The following IDO2 variants were observed in gnomAD, a reference collection of about 807,000 sequenced individuals.
The protein encoded by IDO2 is indoleamine 2,3-dioxygenase-like 1 protein.
Under a neutral mutation model 45.1 loss-of-function variants are expected in IDO2, and 46 were observed. The observed-to-expected ratio is 1.02, with a 90% CI of 0.80 to 1.30. IDO2 has a LOEUF of 1.30. Ranked by LOEUF, IDO2 falls within the 50% of genes most tolerant of loss-of-function variation. The probability of loss-of-function intolerance (pLI) is 0.00; values close to 1 mark genes in which losing one functional copy is unlikely to be tolerated. For synonymous variants in IDO2, 218 were observed against 184.9 expected (o/e 1.18, Z -1.45); for missense variants, 544 against 491.8 (o/e 1.11, Z -1.00).
chr8:39,993,771 A>G (rs1801985070), intron 8 of IDO2, among the ~76,000 whole-genome samples: 1 of 152,162 alleles, frequency 6.6e-6, no homozygotes, highest in East Asian at 1.9e-4. Context: ...GCACACTGAG[A>G]GGAAGAGGCG....
chr8:39,984,646 C>G (rs906210778), intron 5 of IDO2, among the ~76,000 whole-genome samples: 1 of 152,064 alleles, frequency 6.6e-6, no homozygotes, highest in Non-Finnish European at 1.5e-5. Flanking sequence ...TAACACAGAG[C>G]TAAGTGCTAT....
At chr8:39,971,762 G>T (rs1431771166) in intron 3 of IDO2, among the ~76,000 whole-genome samples, 1 of 152,114 alleles carries the variant, frequency 6.6e-6, no homozygotes, top group Non-Finnish European at 1.5e-5. Context: ...ATTAGAAGTG[G>T]AATCTGATTT....
At chr8:39,981,449 A>G (rs1308524137) in intron 4 of IDO2, among the ~76,000 whole-genome samples, 1 of 152,038 alleles carries the variant, frequency 6.6e-6, no homozygotes, top group Non-Finnish European at 1.5e-5. Context: ...TCTGCAAACC[A>G]TTATCCTAAA....
At chr8:39,983,189 G>A (rs1808378582) in intron 5 of IDO2, among the ~76,000 whole-genome samples, 1 of 152,196 alleles carries the variant, frequency 6.6e-6, no homozygotes, top group South Asian at 2.1e-4. Context: ...CTCCAGGTGG[G>A]TTGGATTGAG....
At chr8:39,984,896 A>G in intron 5 of IDO2, 1 of 437,122 alleles carries the variant, frequency 2.3e-6, no homozygotes, top group South Asian at 1.6e-5. Flanking sequence ...GTTGTGGTAA[A>G]TACAAAAATG....
chr8:39,945,165 G>A (rs1217328245), intron 1 of IDO2, among the ~76,000 whole-genome samples: 1 of 152,258 alleles, frequency 6.6e-6, no homozygotes, highest in Admixed American at 6.5e-5. Flanking sequence ...GCTACAGTCT[G>A]GGAAGCATTG....
intron 8 of IDO2, among the ~76,000 whole-genome samples, chr8:39,992,141 C>A (rs1020301773): frequency 2.6e-5 from 4 of 152,230 alleles, no homozygotes; most frequent in East Asian, 1.9e-4. Flanking sequence ...GCATTCCTTT[C>A]GACCAGGGGT....
chr8:39,986,705 GATA>G (rs1808429365), intron 6 of IDO2, among the ~76,000 whole-genome samples: 1 of 150,758 alleles, frequency 6.6e-6, no homozygotes, highest in African/African-American at 2.5e-5. Flanking sequence ...TAGATAGATA[GATA>G]GATAGATAGA....
chr8:39,993,137 C>A (rs1382384915), intron 8 of IDO2, among the ~76,000 whole-genome samples: 1 of 152,142 alleles, frequency 6.6e-6, no homozygotes. Flanking sequence ...GAGCTGCTTT[C>A]CAGCGACTCA....
chr8:39,991,921 T>C (rs2729477), intron 8 of IDO2, among the ~76,000 whole-genome samples: 94,094 of 152,116 alleles, frequency 0.62, 29,216 homozygotes, highest in Middle Eastern at 0.7. Flanking sequence ...CCTGCTCAGC[T>C]TCTGCAGGAG....
chr8:39,937,942 T>G (rs1012058259), intron 1 of IDO2, among the ~76,000 whole-genome samples: 61 of 152,334 alleles, frequency 4.0e-4, no homozygotes, highest in African/African-American at 1.4e-3. Flanking sequence ...GCAAACAATC[T>G]TATTGCATTT....
chr8:39,982,216 ATC>A (rs1184797533), intron 4 of IDO2, among the ~76,000 whole-genome samples: 2 of 124,660 alleles, frequency 1.6e-5, no homozygotes, highest in East Asian at 2.3e-4. Context: ...TGTATCTATC[ATC>A]TCTCTCTATA....
intron 1 of IDO2, among the ~76,000 whole-genome samples, chr8:39,943,113 A>G (rs1383573580): frequency 6.6e-6 from 1 of 152,168 alleles, no homozygotes; most frequent in Non-Finnish European, 1.5e-5. Flanking sequence ...CACGCCTGTA[A>G]TCCCAGCAGT....
intron 9 of IDO2, among the ~76,000 whole-genome samples, chr8:40,009,464 T>C (rs1802278495): frequency 6.6e-6 from 1 of 152,142 alleles, no homozygotes; most frequent in African/African-American, 2.4e-5. Flanking sequence ...ATCTCATTTT[T>C]TTTTCCCCAC....
At chr8:39,942,847 G>A (rs1222767310) in intron 1 of IDO2, among the ~76,000 whole-genome samples, 1 of 152,040 alleles carries the variant, frequency 6.6e-6, no homozygotes, top group Non-Finnish European at 1.5e-5. Context: ...TTCTATGGTT[G>A]TATAATATTA....
At chr8:39,970,396 A>G (rs1317008276) in intron 3 of IDO2, among the ~76,000 whole-genome samples, 1 of 152,078 alleles carries the variant, frequency 6.6e-6, no homozygotes, top group East Asian at 1.9e-4. Flanking sequence ...GTTATTTATT[A>G]ATTTATTTAT....
At chr8:39,950,287 T>C (rs1167520311) in intron 2 of IDO2, among the ~76,000 whole-genome samples, 2 of 152,128 alleles carry the variant, frequency 1.3e-5, no homozygotes, top group Non-Finnish European at 2.9e-5. Flanking sequence ...CCCAGCACTT[T>C]TGGGAGGCCA....
At chr8:39,958,608 G>A (rs1252197029) in intron 2 of IDO2, among the ~76,000 whole-genome samples, 6 of 152,034 alleles carry the variant, frequency 3.9e-5, no homozygotes, top group Non-Finnish European at 8.8e-5. Context: ...GTGTCACCAC[G>A]CCTGGCTAAT....
chr8:39,936,027 T>G (rs1157757567), intron 1 of IDO2, among the ~76,000 whole-genome samples: 1 of 152,212 alleles, frequency 6.6e-6, no homozygotes, highest in Non-Finnish European at 1.5e-5. Context: ...GGGATGGAGA[T>G]ATTATTACAA....
Sources: gnomAD v4.1 joint callset for allele counts (sites outside exome capture counted in the v4.1 genomes callset) on GRCh38, gnomAD v4.1.1 for gene constraint, MANE v1.5 for transcripts, NCBI Gene and HGNC (gene_info 2026-07-23, HGNC 2026-07-21) for gene names.